SPIDR: variants seen among roughly 807,000 people sequenced by gnomAD.
SPIDR encodes the protein scaffold protein involved in DNA repair, also known as DNA repair-scaffolding protein.
A neutral mutation model predicts 104.6 loss-of-function variants in SPIDR; 93 were observed. That is an observed-to-expected ratio of 0.89 (90% confidence interval 0.75 to 1.06). SPIDR has a LOEUF of 1.06. Among genes scored for constraint, SPIDR ranks in the 50% least tolerant of loss-of-function variants. The probability of loss-of-function intolerance (pLI) is 0.00; values close to 1 mark genes in which losing one functional copy is unlikely to be tolerated. For synonymous variants in SPIDR, 431 were observed against 416.9 expected, an observed-to-expected ratio of 1.03 and a Z score of -0.41; for missense variants, 1,154 against 1,111.2, an observed-to-expected ratio of 1.04 and a Z score of -0.55.
intron 10 of SPIDR, among the ~76,000 whole-genome samples, chr8:47,649,949 G>A (rs555599386): frequency 4.9e-4 from 75 of 152,154 alleles, no homozygotes; most frequent in African/African-American, 1.8e-3. Flanking sequence ...GGCATAGAAG[G>A]GACATACCTC....
chr8:47,277,313 T>TGTTA (rs1554554704), intron 1 of SPIDR, among the ~76,000 whole-genome samples: 9 of 141,948 alleles, frequency 6.3e-5, no homozygotes, highest in Non-Finnish European at 9.1e-5. Context: ...TATGTTATGT[T>TGTTA]TGTTATGTTA....
At chr8:47,595,119 T>A (rs1179888681) in intron 8 of SPIDR, among the ~76,000 whole-genome samples, 1 of 152,192 alleles carries the variant, frequency 6.6e-6, no homozygotes, top group Non-Finnish European at 1.5e-5. Flanking sequence ...TGTCTTCTTA[T>A]GTTTACTTTA....
chr8:47,274,539 G>A (rs1006085620), intron 1 of SPIDR, among the ~76,000 whole-genome samples: 1 of 151,534 alleles, frequency 6.6e-6, no homozygotes, highest in Non-Finnish European at 1.5e-5. Context: ...TAGTTTGGCC[G>A]GGAATAGAAG....
At chr8:47,443,312 A>G (rs146215027) in intron 8 of SPIDR, among the ~76,000 whole-genome samples, 21 of 152,208 alleles carry the variant, frequency 1.4e-4, no homozygotes, top group African/African-American at 4.8e-4. Flanking sequence ...GTTCACGCCT[A>G]TAATCCCAGC....
intron 10 of SPIDR, among the ~76,000 whole-genome samples, chr8:47,664,108 GGTCCA>G (rs962686871): frequency 6.6e-6 from 1 of 152,134 alleles, no homozygotes; most frequent in Admixed American, 6.5e-5. Flanking sequence ...TACTCTAGGG[GGTCCA>G]GTCAAGAAGA....
intron 16 of SPIDR, among the ~76,000 whole-genome samples, chr8:47,724,470 C>A (rs1202635277): frequency 6.6e-6 from 1 of 152,192 alleles, no homozygotes; most frequent in African/African-American, 2.4e-5. Flanking sequence ...ATAGCAGTTG[C>A]CCCCATCTCA....
At chr8:47,669,317 C>T (rs919884137) in intron 10 of SPIDR, among the ~76,000 whole-genome samples, 2 of 152,198 alleles carry the variant, frequency 1.3e-5, no homozygotes, top group Non-Finnish European at 2.9e-5. Context: ...TGGAATTCAG[C>T]GCAGGCTGCT....
intron 1 of SPIDR, among the ~76,000 whole-genome samples, chr8:47,278,115 TTAA>T: frequency 6.9e-6 from 1 of 145,108 alleles, no homozygotes; most frequent in South Asian, 2.2e-4. Flanking sequence ...TTTTTTTTTA[TTAA>T]TAGCCATTCT....
intron 11 of SPIDR, among the ~76,000 whole-genome samples, chr8:47,686,203 T>C (rs948602915): frequency 1.3e-5 from 2 of 152,214 alleles, no homozygotes; most frequent in African/African-American, 4.8e-5. Context: ...ACATTTCACA[T>C]GTTCCATAGT....
intron 11 of SPIDR, 113 bp downstream of exon 11, chr8:47,674,054 A>G (rs932697936): frequency 7.3e-7 from 1 of 1,363,166 alleles, no homozygotes; most frequent in African/African-American, 1.5e-5. Flanking sequence ...AGGATCCTAG[A>G]GTTTGCCCAT....
intron 10 of SPIDR, among the ~76,000 whole-genome samples, chr8:47,599,707 TGTA>T (rs1467582605): frequency 2.6e-5 from 4 of 152,202 alleles, no homozygotes; most frequent in African/African-American, 7.2e-5. Flanking sequence ...TGCAGACAAA[TGTA>T]GTAGAAGTGA....
chr8:47,662,048 C>G (rs1415140855), intron 10 of SPIDR, among the ~76,000 whole-genome samples: 1 of 152,194 alleles, frequency 6.6e-6, no homozygotes, highest in African/African-American at 2.4e-5. Flanking sequence ...TGCCTGATGC[C>G]GAGGCTGCTC....
chr8:47,505,280 C>T (rs1407569506), intron 8 of SPIDR, among the ~76,000 whole-genome samples: 2 of 152,132 alleles, frequency 1.3e-5, no homozygotes, highest in Non-Finnish European at 2.9e-5. Context: ...GCGGTGGGCT[C>T]CACCCAGTTC....
At chr8:47,485,008 G>A (rs1013698311) in intron 8 of SPIDR, among the ~76,000 whole-genome samples, 3 of 152,342 alleles carry the variant, frequency 2.0e-5, no homozygotes, top group African/African-American at 4.8e-5. Context: ...GTACAGGACA[G>A]TGGGTGCAGC....
At chr8:47,685,351 T>C (rs2077615353) in intron 11 of SPIDR, among the ~76,000 whole-genome samples, 2 of 152,128 alleles carry the variant, frequency 1.3e-5, no homozygotes, top group South Asian at 2.1e-4. Flanking sequence ...ATTCAGTAAA[T>C]GGGCAGGGTT....
intron 8 of SPIDR, among the ~76,000 whole-genome samples, chr8:47,478,152 T>C (rs2076491380): frequency 6.6e-6 from 1 of 152,218 alleles, no homozygotes; most frequent in Non-Finnish European, 1.5e-5. Flanking sequence ...GCATCAGGTC[T>C]GTGTTTTAGA....
At chr8:47,512,156 G>A in intron 8 of SPIDR, 1 of 406,950 alleles carries the variant, frequency 2.5e-6, no homozygotes, top group Non-Finnish European at 4.6e-6. Flanking sequence ...TTCATCCCAT[G>A]CGCCTCCCCA....
chr8:47,438,959 A>T (rs1334663252), intron 7 of SPIDR, among the ~76,000 whole-genome samples: 2 of 152,228 alleles, frequency 1.3e-5, no homozygotes, highest in African/African-American at 4.8e-5. Flanking sequence ...CTATTAACCT[A>T]GTTGGCTGAA....
intron 10 of SPIDR, among the ~76,000 whole-genome samples, chr8:47,620,052 T>C (rs1191032304): frequency 6.6e-6 from 1 of 152,200 alleles, no homozygotes; most frequent in Non-Finnish European, 1.5e-5. Context: ...TTCATACACA[T>C]GCATGTGTTC....
Sources: allele counts gnomAD v4.1 joint callset (sites outside exome capture counted in the v4.1 genomes callset), GRCh38; gene constraint gnomAD v4.1.1; transcripts MANE v1.5; gene names NCBI Gene and HGNC (gene_info 2026-07-23, HGNC 2026-07-21).